The following GRM5 variants were observed in gnomAD, a reference collection of about 807,000 sequenced individuals.
GRM5 encodes metabotropic glutamate receptor 5.
GRM5 carries 19 observed loss-of-function variants against 83.1 expected under a neutral mutation model. That is an observed-to-expected ratio of 0.23 (90% CI 0.16 to 0.34). The LOEUF is 0.34. Among genes scored for constraint, GRM5 ranks in the 10% least tolerant of loss-of-function variants. The probability of loss-of-function intolerance (pLI) is 1.00; values close to 1 mark genes in which losing one functional copy is unlikely to be tolerated. For missense variants in GRM5, 1,160 were observed against 1,588.3 expected (o/e 0.73, Z 4.58); for synonymous variants, 675 against 633.6 (o/e 1.07, Z -0.98).
At chr11:88,674,827 C>G (rs1940282683) in intron 3 of GRM5, among the ~76,000 whole-genome samples, 1 of 151,874 alleles carries the variant, frequency 6.6e-6, no homozygotes, top group South Asian at 2.1e-4. Context: ...TTCTAAAACA[C>G]AAATGTAATA....
chr11:88,714,974 T>C (rs1941368908), intron 3 of GRM5, among the ~76,000 whole-genome samples: 1 of 152,038 alleles, frequency 6.6e-6, no homozygotes, highest in Non-Finnish European at 1.5e-5. Flanking sequence ...AGAATTATTT[T>C]CACAAAGATA....
At chr11:88,589,097 G>GT (rs959760816) in intron 7 of GRM5, among the ~76,000 whole-genome samples, 1 of 152,056 alleles carries the variant, frequency 6.6e-6, no homozygotes, top group East Asian at 1.9e-4. Flanking sequence ...ATGCAAGACA[G>GT]TTTTTTATTT....
chr11:88,857,391 A>G lies in GRM5; in HGVS notation c.662-7236T>C, dbSNP rs1944495334. Among the ~76,000 whole-genome samples the G allele has an allele frequency of 2.6e-5, 4 of 152,066 alleles. No homozygotes were observed. The South Asian group carries it at 8.3e-4, about 31-fold the overall frequency. ...TGTGACATTAGTCTGGCATGATATC[A>G]TCCCCTAAATATACATATAAGCAGT... On this transcript the variant is annotated intron_variant, in intron 2 of 9. Coordinates refer to ENST00000305447, the MANE Select transcript of GRM5 (RefSeq NM_001143831.3).
chr11:88,784,072 A>G (rs538796963), intron 3 of GRM5, among the ~76,000 whole-genome samples: 2 of 152,014 alleles, frequency 1.3e-5, no homozygotes, highest in Non-Finnish European at 2.9e-5. Flanking sequence ...ATTTTTATAC[A>G]TTTACCACTA....
intron 2 of GRM5, among the ~76,000 whole-genome samples, chr11:88,997,333 T>TAAAAAAA (rs371168643): frequency 8.3e-6 from 1 of 119,918 alleles, no homozygotes; most frequent in African/African-American, 3.1e-5. Context: ...GTCTCAAAAT[T>TAAAAAAA]AAAAAAAAAA....
intron 3 of GRM5, among the ~76,000 whole-genome samples, chr11:88,780,889 G>T (rs900597132): frequency 1.3e-5 from 2 of 151,852 alleles, no homozygotes; most frequent in African/African-American, 4.8e-5. Flanking sequence ...AAGGGGAACA[G>T]CTCTCAAGTG....
intron 3 of GRM5, among the ~76,000 whole-genome samples, chr11:88,810,323 T>C (rs1050924220): frequency 1.3e-5 from 2 of 151,930 alleles, no homozygotes; most frequent in African/African-American, 4.8e-5. Flanking sequence ...AATGAGTATA[T>C]GAAGAGGAAT....
At chr11:88,805,409 C>T (rs1462056315) in intron 3 of GRM5, among the ~76,000 whole-genome samples, 1 of 152,110 alleles carries the variant, frequency 6.6e-6, no homozygotes, top group African/African-American at 2.4e-5. Context: ...CCAGGATGGT[C>T]TCAATCTCTT....
intron 3 of GRM5, among the ~76,000 whole-genome samples, chr11:88,762,363 A>T (rs1223690743): frequency 6.6e-6 from 1 of 152,096 alleles, no homozygotes; most frequent in African/African-American, 2.4e-5. Context: ...CCCCATTAAA[A>T]TGTGGACAAA....
At chr11:89,052,591 C>G (rs1484557376) in intron 1 of GRM5, among the ~76,000 whole-genome samples, 2 of 152,122 alleles carry the variant, frequency 1.3e-5, no homozygotes, top group Non-Finnish European at 2.9e-5. Flanking sequence ...GTATGTGTGG[C>G]ATATGTATAC....
intron 2 of GRM5, among the ~76,000 whole-genome samples, chr11:89,009,421 A>T (rs1325654905): frequency 6.6e-6 from 1 of 152,178 alleles, no homozygotes; most frequent in Non-Finnish European, 1.5e-5. Flanking sequence ...CCATTGAGAA[A>T]ATTAAAGCTC....
intron 2 of GRM5, among the ~76,000 whole-genome samples, 198 bp from the exon 3 acceptor site, chr11:88,850,353 A>G (rs974784509): frequency 3.9e-5 from 6 of 152,230 alleles, no homozygotes; most frequent in Non-Finnish European, 5.9e-5. Context: ...TTATATATGC[A>G]TTGATCATTT....
chr11:88,706,915 C>T (rs113174066), intron 3 of GRM5, among the ~76,000 whole-genome samples: 43 of 152,108 alleles, frequency 2.8e-4, no homozygotes, highest in Non-Finnish European at 5.4e-4. Flanking sequence ...TTGAAGTTGA[C>T]GATCTTATAT....
intron 8 of GRM5, among the ~76,000 whole-genome samples, chr11:88,548,910 C>T (rs146425660): frequency 6.6e-6 from 1 of 152,214 alleles, no homozygotes; most frequent in South Asian, 2.1e-4. Context: ...AAACAAGCAC[C>T]AAATTAGTTG....
intron 2 of GRM5, among the ~76,000 whole-genome samples, chr11:89,029,810 T>G (rs1591062339): frequency 6.6e-6 from 1 of 152,306 alleles, no homozygotes; most frequent in East Asian, 1.9e-4. Context: ...TTTACAAAAC[T>G]TCCTTGCTGA....
intron 2 of GRM5, among the ~76,000 whole-genome samples, chr11:89,021,735 T>A (rs1051551579): frequency 1.3e-5 from 2 of 152,210 alleles, no homozygotes; most frequent in Non-Finnish European, 2.9e-5. Flanking sequence ...AGACTCTATA[T>A]TTTTTGGGCA....
chr11:88,573,462 T>C (rs11020488), intron 7 of GRM5, among the ~76,000 whole-genome samples: 7,946 of 152,196 alleles, frequency 0.052, 683 homozygotes, highest in African/African-American at 0.18. Flanking sequence ...TGCCTGATGT[T>C]CTGTAAATTG....
rs568248840 is a variant in GRM5, at chr11:88,862,714, A to T, written c.662-12559T>A. On this transcript the variant is annotated intron_variant, in intron 2 of 9. Coordinates refer to ENST00000305447, the MANE Select transcript of GRM5 (RefSeq NM_001143831.3). The stretch of plus-strand genomic sequence containing the variant: ...ATGTGCAGGTTTGTTACATAGGTAA[A>T]CCTGTGCCATGGGTATTTGCTGCAC... Among the ~76,000 whole-genome samples, 4 of 152,066 alleles carry T rather than the reference A, an allele frequency of 2.6e-5. No individual in the cohort carries two copies. In the South Asian group the frequency reaches 6.2e-4, roughly 24 times the overall value.
intron 4 of GRM5, among the ~76,000 whole-genome samples, chr11:88,607,913 G>A (rs1296010940): frequency 6.6e-6 from 1 of 152,200 alleles, no homozygotes; most frequent in East Asian, 1.9e-4. Context: ...GTCTGATAAT[G>A]TAACTTACTG....
Sources: gnomAD v4.1 joint callset for allele counts (sites outside exome capture counted in the v4.1 genomes callset) on GRCh38, gnomAD v4.1.1 for gene constraint, MANE v1.5 for transcripts, NCBI Gene and HGNC (gene_info 2026-07-23, HGNC 2026-07-21) for gene names.